Variants in TRPC7 observed in about 807,000 individuals in gnomAD.
TRPC7 encodes the protein transient receptor potential cation channel subfamily C member 7, also known as short transient receptor potential channel 7.
In TRPC7, 42 loss-of-function variants were observed where a neutral mutation model predicts 90.1. That is an observed-to-expected ratio of 0.47 (90% confidence interval 0.36 to 0.60). The LOEUF (loss-of-function observed/expected upper bound fraction) is 0.60, where lower values mean the gene tolerates loss of function less well. TRPC7 is among the 20% of genes least tolerant of loss of function. The pLI is 0.00. For synonymous variants in TRPC7, 451 were observed against 436.3 expected, an observed-to-expected ratio of 1.03 and a Z score of -0.42; for missense variants, 955 against 1,112.3, an observed-to-expected ratio of 0.86 and a Z score of 2.01.
At chr5:136,361,947 T>C (rs1463993898) in intron 1 of TRPC7, among the ~76,000 whole-genome samples, 1 of 152,160 alleles carries the variant, frequency 6.6e-6, no homozygotes, top group Non-Finnish European at 1.5e-5. Context: ...GATTAAATAA[T>C]GTCTACCAAA....
intron 5 of TRPC7, among the ~76,000 whole-genome samples, chr5:136,252,319 GA>G (rs1353932077): frequency 6.6e-6 from 1 of 151,980 alleles, no homozygotes; most frequent in Non-Finnish European, 1.5e-5. Flanking sequence ...CAAGAACCTA[GA>G]ACTATGGTTT....
At chr5:136,346,320 A>G (rs1439471458) in intron 2 of TRPC7, among the ~76,000 whole-genome samples, 2 of 152,104 alleles carry the variant, frequency 1.3e-5, no homozygotes, top group East Asian at 3.8e-4. Flanking sequence ...GCTCTTCTAT[A>G]TTTTTTAAAA....
At chr5:136,322,314 A>C (rs572172974) in intron 2 of TRPC7, among the ~76,000 whole-genome samples, 38 of 152,118 alleles carry the variant, frequency 2.5e-4, no homozygotes, top group Non-Finnish European at 4.9e-4. Context: ...ATACCTGGCT[A>C]ATATTCCTGT....
rs569215273 is a variant in TRPC7 at position 136,343,952 on chromosome 5, C to T, written c.780+12656G>A. ...TGTATATACCCAAAGGAATATAAAT[C>T]GTTCTACCATAAAGACATACGCATG... On this transcript the variant is annotated intron_variant, in intron 2 of 11. Transcript: ENST00000513104. Among the ~76,000 whole-genome samples the T allele has an allele frequency of 9.2e-5, 14 of 152,238 alleles. No homozygotes were observed. The South Asian group carries it at 1.5e-3, about 16-fold the overall frequency.
chr5:136,253,925 T>TA lies in TRPC7; in HGVS notation c.1346-2044dup, dbSNP rs1036693033. Among the ~76,000 whole-genome samples, 8 of 152,356 alleles carry TA rather than the reference T, an allele frequency of 5.3e-5. No individual in the cohort carries two copies. In the East Asian group the frequency reaches 1.5e-3, roughly 29 times the overall value. On this transcript the variant is annotated intron_variant, in intron 5 of 11. Coordinates refer to ENST00000513104, the MANE Select transcript of TRPC7 (RefSeq NM_020389.3). ...TAAGTTCTGAATGCAAAGAACAAGT[T>TA]ACTGAAGGAAATTAAAAGTACTACT...
At chr5:136,316,026 C>G in intron 2 of TRPC7, 1 of 501,160 alleles carries the variant, frequency 2.0e-6, no homozygotes, top group Non-Finnish European at 3.5e-6. Flanking sequence ...CCACCTGCAT[C>G]AGAGTCACCT....
Position 136,357,068 on chromosome 5 carries a change from C to T in TRPC7, c.320G>A (p.Gly107Glu). Residue 107 changes from glycine to glutamate, a missense_variant, in exon 2 of 12, where the codon GGG becomes GAG. This residue lies in a region of TRPC7 where 161 missense variants were observed against 145.7 expected (regional missense o/e 1.10). Transcript: ENST00000513104. The part of the protein sequence containing the change: ...LLKKENLARV[G>E]DALLLAISKG... ...GCTGATGGCCAGCAGCAGCGCGTCC[C>T]CCACCCGTGCCAGGTTCTCCTTCTT... The T allele has an allele frequency of 6.2e-7, 1 of 1,613,880 alleles. No individual in the cohort carries two copies. The highest frequency in any genetic ancestry group is 8.5e-7 in the Non-Finnish European group (1 of 1,179,930).
chr5:136,246,375 C>G (rs911887770), intron 7 of TRPC7, among the ~76,000 whole-genome samples: 1 of 152,172 alleles, frequency 6.6e-6, no homozygotes, highest in Admixed American at 6.5e-5. Context: ...TTCCCCAGGG[C>G]TTCCCTGGAA....
At chr5:136,233,759 G>A (rs1003909524) in intron 7 of TRPC7, among the ~76,000 whole-genome samples, 2 of 152,342 alleles carry the variant, frequency 1.3e-5, no homozygotes, top group Non-Finnish European at 2.9e-5. Flanking sequence ...ACCTTTGGCT[G>A]ACACAAATGA....
At chr5:136,312,703 G>A (rs868510069) in intron 3 of TRPC7, among the ~76,000 whole-genome samples, 37 of 152,238 alleles carry the variant, frequency 2.4e-4, no homozygotes, top group South Asian at 2.1e-3. Context: ...TCTAATGGAG[G>A]CTGGTGCTGT....
intron 2 of TRPC7, among the ~76,000 whole-genome samples, chr5:136,351,913 C>T (rs991420816): frequency 2.0e-5 from 3 of 152,160 alleles, no homozygotes; most frequent in African/African-American, 7.2e-5. Flanking sequence ...CATTGATAAA[C>T]AGAAAAATCA....
chr5:136,306,213 A>C (rs963821950), intron 3 of TRPC7, among the ~76,000 whole-genome samples: 2 of 152,348 alleles, frequency 1.3e-5, no homozygotes, highest in East Asian at 3.9e-4. Flanking sequence ...CTTTGCTGGC[A>C]GGACTATGCT....
intron 2 of TRPC7, among the ~76,000 whole-genome samples, chr5:136,355,123 T>G (rs1367163615): frequency 1.3e-5 from 2 of 152,252 alleles, no homozygotes; most frequent in Non-Finnish European, 2.9e-5. Context: ...GTATGTCATG[T>G]AGCACATGAT....
intron 5 of TRPC7, among the ~76,000 whole-genome samples, chr5:136,254,876 C>G (rs949464000): frequency 1.1e-4 from 16 of 152,126 alleles, no homozygotes; most frequent in African/African-American, 3.9e-4. Context: ...GGTAGGAGGT[C>G]AGAATATCAA....
intron 7 of TRPC7, among the ~76,000 whole-genome samples, chr5:136,242,638 A>C (rs1020099664): frequency 1.3e-5 from 2 of 152,234 alleles, no homozygotes; most frequent in African/African-American, 2.4e-5. Flanking sequence ...TTTGAAGTAC[A>C]AAGAGCTGAG....
chr5:136,312,293 C>A (rs1253114012), intron 3 of TRPC7, among the ~76,000 whole-genome samples: 6 of 152,146 alleles, frequency 3.9e-5, no homozygotes, highest in African/African-American at 1.4e-4. Flanking sequence ...TGAATGATGT[C>A]TTTTCCCAGG....
At chr5:136,323,791 A>T (rs771677254) in intron 2 of TRPC7, among the ~76,000 whole-genome samples, 7 of 152,064 alleles carry the variant, frequency 4.6e-5, no homozygotes, top group Non-Finnish European at 1.0e-4. Flanking sequence ...TCTTTTTCAA[A>T]TTATCTTGGC....
chr5:136,264,155 C>G (rs1756950598), intron 5 of TRPC7, among the ~76,000 whole-genome samples: 1 of 152,134 alleles, frequency 6.6e-6, no homozygotes, highest in Admixed American at 6.5e-5. Context: ...AGTTGGGGTT[C>G]CTATAGCTAG....
intron 5 of TRPC7, among the ~76,000 whole-genome samples, chr5:136,253,138 T>C (rs1326122664): frequency 2.0e-5 from 3 of 152,226 alleles, no homozygotes; most frequent in African/African-American, 7.2e-5. Flanking sequence ...GTTGCAGTGA[T>C]TAATATTTTG....
Sources: gnomAD v4.1 joint callset for allele counts (sites outside exome capture counted in the v4.1 genomes callset) on GRCh38, gnomAD v4.1.1 for gene constraint, gnomAD v4.1.1 regional missense constraint, MANE v1.5 for transcripts, NCBI Gene and HGNC (gene_info 2026-07-23, HGNC 2026-07-21) for gene names.